Variants in MLYCD observed in about 807,000 individuals in gnomAD.
The protein encoded by MLYCD is malonyl-CoA decarboxylase, mitochondrial.
MLYCD carries 27 observed loss-of-function variants against 35.8 expected under a neutral mutation model. The observed-to-expected ratio is 0.75, with a 90% confidence interval of 0.56 to 1.04. MLYCD has a LOEUF of 1.04. Among genes scored for constraint, MLYCD ranks in the 50% least tolerant of loss-of-function variants. The pLI, the probability that MLYCD is intolerant of heterozygous loss-of-function variation, is 0.00. For synonymous variants in MLYCD, 403 were observed against 302.4 expected, an observed-to-expected ratio of 1.33 and a Z score of -3.45; for missense variants, 917 against 665.1, an observed-to-expected ratio of 1.38 and a Z score of -4.17.
chr16:83,911,203 C>T (rs1257259770), intron 3 of MLYCD, among the ~76,000 whole-genome samples: 1 of 152,178 alleles, frequency 6.6e-6, no homozygotes, highest in African/African-American at 2.4e-5. Flanking sequence ...TGGTCTCGAT[C>T]TCCTGACCTC....
At chr16:83,902,155 G>GTA (rs386385269) in intron 1 of MLYCD, among the ~76,000 whole-genome samples, 970 of 87,048 alleles carry the variant, frequency 0.011, 9 homozygotes, top group African/African-American at 0.042. Flanking sequence ...GTGTGCGTGC[G>GTA]TATATATATA....
rs1348845982 is a variant in MLYCD, at chr16:83,916,143, C to G, written c.*654C>G. 2 of 993,078 alleles carry G rather than the reference C, an allele frequency of 2.0e-6. No homozygotes were observed. Among genetic ancestry groups the G allele is most frequent in the East Asian group, 2.2e-4 (2 of 9,142 alleles). 61.5% of individuals were successfully genotyped at this position (993,078 alleles called of 1,614,324 possible). ...ATCAGGGATTCAGGTTCATAATGAA[C>G]TTCACAGTAAAGAACACGTTTGTTC... is the stretch of plus-strand genomic sequence containing the variant. On this transcript the variant is annotated 3_prime_UTR_variant, in exon 5 of 5. Coordinates refer to ENST00000262430, the MANE Select transcript of MLYCD (RefSeq NM_012213.3).
intron 3 of MLYCD, among the ~76,000 whole-genome samples, chr16:83,911,059 C>G (rs982967513): frequency 6.6e-6 from 1 of 152,166 alleles, no homozygotes; most frequent in East Asian, 1.9e-4. Flanking sequence ...TCCCTGCAAC[C>G]TCCGCCTCCC....
intron 1 of MLYCD, 128 bp from the exon 2 acceptor site, chr16:83,906,859 A>G (rs901610953): frequency 6.0e-6 from 5 of 837,294 alleles, no homozygotes; most frequent in Non-Finnish European, 1.0e-5. Context: ...AGCTGTTTGG[A>G]GAGTTGTCTT....
chr16:83,910,205 T>A (rs1907125629), intron 3 of MLYCD, among the ~76,000 whole-genome samples: 1 of 147,408 alleles, frequency 6.8e-6, no homozygotes, highest in Non-Finnish European at 1.5e-5. Context: ...TTTTTTTTTA[T>A]GCATGGTTTT....
rs905618717 is a variant in MLYCD at position 83,920,462 on chromosome 16, C to T, written c.*4973C>T. 4 of 152,270 alleles carry T rather than the reference C, an allele frequency of 2.6e-5. No individual in the cohort carries two copies. The highest frequency in any genetic ancestry group is 2.0e-4 in the Admixed American group (3 of 15,288). The allele number at this position is 152,270 out of a possible 1,614,324, so 9.4% of individuals were successfully genotyped here. A position where few individuals can be genotyped will look rare whatever the true frequency, so the allele number is the denominator to read the frequency against. On this transcript the variant is annotated 3_prime_UTR_variant, in exon 5 of 5. Coordinates refer to ENST00000262430, the MANE Select transcript of MLYCD (RefSeq NM_012213.3). ...GCTGGGAGACACGCAGGAAGACCCC[C>T]AGCCCATGCCCGTTCTCAGGCCTGA... is the stretch of plus-strand genomic sequence containing the variant.
intron 1 of MLYCD, among the ~76,000 whole-genome samples, chr16:83,902,739 C>T (rs948313894): frequency 6.6e-6 from 1 of 152,178 alleles, no homozygotes; most frequent in Non-Finnish European, 1.5e-5. Context: ...CTCCTGACCT[C>T]AGATGATCCG....
chr16:83,905,566 C>T (rs912443038), intron 1 of MLYCD, among the ~76,000 whole-genome samples: 6 of 152,190 alleles, frequency 3.9e-5, no homozygotes, highest in African/African-American at 1.2e-4. Flanking sequence ...TCCAAAGCCA[C>T]GTCGTGGCCC....
At chr16:83,902,594 C>G (rs1431937958) in intron 1 of MLYCD, among the ~76,000 whole-genome samples, 1 of 151,488 alleles carries the variant, frequency 6.6e-6, no homozygotes, top group African/African-American at 2.4e-5. Flanking sequence ...CAACCTTCGC[C>G]TCCCAGGTTC....
intron 3 of MLYCD, 95 bp downstream of exon 3, chr16:83,908,377 T>A: frequency 1.8e-5 from 18 of 999,236 alleles, no homozygotes; most frequent in Non-Finnish European, 2.2e-5. Context: ...TTATCCTCCT[T>A]TTTTTTTTTT....
rs752966506 is a variant in MLYCD at position 83,908,291 on chromosome 16, G to C, written c.798+9G>C. ...TCTCCAGCAACATCCAGGTACCTGC[G>C]ATGGTCAATTCGGGACAAGATGGGC... On this transcript the variant is annotated intron_variant, in intron 3 of 4. Transcript: ENST00000262430. 6.2e-7 allele frequency: 1 copy of C among 1,613,810 alleles called. No homozygotes were observed. Among genetic ancestry groups the C allele is most frequent in the Non-Finnish European group, 8.5e-7 (1 of 1,180,004 alleles).
chr16:83,906,905 C>T, intron 1 of MLYCD, 82 bp from the exon 2 acceptor site: 1 of 1,197,828 alleles, frequency 8.3e-7, no homozygotes, highest in Non-Finnish European at 1.2e-6. Context: ...TGAGTGTTTT[C>T]ATTCCTTGTG....
At position 83,915,621 on chromosome 16, in the gene MLYCD, T is replaced by A. The variant is rs949558890; in HGVS notation, c.*132T>A. On this transcript the variant is annotated 3_prime_UTR_variant, in exon 5 of 5. Transcript: ENST00000262430. ...GACTGTGTTCTTGTCCCGCAGCCGG[T>A]CCACACTGTGAGGCCAGGCCTCAAC... The A allele has an allele frequency of 3.7e-5, 56 of 1,527,486 alleles. No homozygotes were observed. In the African/African-American group the frequency reaches 6.4e-4, roughly 18 times the overall value. The allele number at this position is 1,527,486 out of a possible 1,614,324, so 94.6% of individuals were successfully genotyped here. A position where few individuals can be genotyped will look rare whatever the true frequency, so the allele number is the denominator to read the frequency against.
intron 1 of MLYCD, 78 bp downstream of exon 1, chr16:83,899,750 T>G: frequency 7.1e-7 from 1 of 1,408,584 alleles, no homozygotes; most frequent in Non-Finnish European, 9.3e-7. Flanking sequence ...CCCCTCCAAG[T>G]CCCACACACC....
At chr16:83,910,653 T>C (rs1046951012) in intron 3 of MLYCD, among the ~76,000 whole-genome samples, 1 of 147,464 alleles carries the variant, frequency 6.8e-6, no homozygotes, top group African/African-American at 2.5e-5. Context: ...GTCGTGCCAC[T>C]GCACTCCAGC....
At chr16:83,903,419 G>A (rs571102722) in intron 1 of MLYCD, among the ~76,000 whole-genome samples, 7 of 152,274 alleles carry the variant, frequency 4.6e-5, no homozygotes, top group Admixed American at 2.0e-4. Flanking sequence ...GTCAGCTTAC[G>A]TGAGTGGGAA....
At position 83,924,869 on chromosome 16, in the gene MLYCD, A is replaced by G. The variant is rs921076515; in HGVS notation, c.*9380A>G. ...CCGTGGGCCACACTGCACTTCCCAA[A>G]TGCTCCCGGCACTGGCACAGATGCA... On this transcript the variant is annotated 3_prime_UTR_variant, in exon 5 of 5. Coordinates refer to ENST00000262430, the MANE Select transcript of MLYCD (RefSeq NM_012213.3). 6.6e-6 allele frequency: 1 copy of G among 151,930 alleles called. No homozygotes were observed. The highest frequency in any genetic ancestry group is 2.4e-5 in the African/African-American group (1 of 41,300). The allele number at this position is 151,930 out of a possible 1,614,324, so 9.4% of individuals were successfully genotyped here.
rs1268607329 is a variant in MLYCD, at chr16:83,915,073, A to C, written c.1066A>C (p.Thr356Pro). The change falls in exon 5 of 5, where the codon ACA becomes CCA. Residue 356 changes from threonine (T) to proline (P), a missense_variant. Thr to Pro is a conservative substitution (Grantham distance 38). Transcript: ENST00000262430. Reference protein sequence around the residue: ...TKEHGRNELFTDSECKEISEI... With the variant: ...TKEHGRNELFPDSECKEISEI... ...GGAGCATGGGAGGAATGAACTCTTT[A>C]CAGATTCGGAATGTAAGGAAATCTC... 6.2e-7 allele frequency: 1 copy of C among 1,614,226 alleles called. No homozygotes were observed. Among genetic ancestry groups the C allele is most frequent in the Non-Finnish European group, 8.5e-7 (1 of 1,180,042 alleles).
chr16:83,905,224 CAA>C (rs879520126), intron 1 of MLYCD, among the ~76,000 whole-genome samples: 4 of 136,642 alleles, frequency 2.9e-5, no homozygotes, highest in Non-Finnish European at 4.8e-5. Flanking sequence ...CTCCATCTCT[CAA>C]AAAAAAAAAA....
Sources: allele counts gnomAD v4.1 joint callset (sites outside exome capture counted in the v4.1 genomes callset), GRCh38; gene constraint gnomAD v4.1.1; transcripts MANE v1.5; gene names NCBI Gene and HGNC (gene_info 2026-07-23, HGNC 2026-07-21).